Variants in EPN2 observed in about 807,000 individuals in gnomAD.
EPN2 encodes the protein epsin 2, also known as epsin-2.
A neutral mutation model predicts 61.7 loss-of-function variants in EPN2; 34 were observed. That is an observed-to-expected ratio of 0.55 (90% CI 0.42 to 0.73). EPN2 has a LOEUF of 0.73. Ranked by LOEUF, EPN2 falls within the 30% of genes least tolerant of loss-of-function variation. EPN2 has a pLI of 0.00. For missense variants in EPN2, 714 were observed against 839.2 expected (o/e 0.85, Z 1.84); for synonymous variants, 349 against 353.6 (o/e 0.99, Z 0.15).
At chr17:19,329,532 C>A in intron 8 of EPN2, 29 bp from the exon 9 acceptor site, 1 of 1,455,430 alleles carries the variant, frequency 6.9e-7, no homozygotes, top group South Asian at 1.1e-5. Flanking sequence ...GTGAGATGCC[C>A]CCAGTCATTG....
rs540595279 is a variant in EPN2 at position 19,254,496 on chromosome 17, G to A, written c.-294+16965G>A. ...GCAGAGGTTGCAGTGAGCTAAGATC[G>A]CACCACCGCACTCCATCTTGGGGGA... On this transcript the variant is annotated intron_variant, in intron 1 of 10. Coordinates refer to ENST00000314728, the MANE Select transcript of EPN2 (RefSeq NM_014964.5). Among the ~76,000 whole-genome samples the A allele has an allele frequency of 2.0e-5, 3 of 152,100 alleles. No individual in the cohort carries two copies. The East Asian group carries it at 5.8e-4, about 29-fold the overall frequency.
At chr17:19,284,005 G>T (rs1398198263) in intron 3 of EPN2, among the ~76,000 whole-genome samples, 1 of 152,206 alleles carries the variant, frequency 6.6e-6, no homozygotes, top group Non-Finnish European at 1.5e-5. Context: ...GGTCTTTTCT[G>T]CTTCCTTGTC....
chr17:19,325,803 A>G (rs1308187903), intron 7 of EPN2, among the ~76,000 whole-genome samples: 6 of 145,638 alleles, frequency 4.1e-5, no homozygotes, highest in Non-Finnish European at 9.0e-5. Context: ...TTTGCAGGTG[A>G]TGGGATTGTA....
At position 19,276,343 on chromosome 17, in the gene EPN2, A is replaced by G. The variant is rs1259646167; in HGVS notation, c.-293-5612A>G. The G allele has an allele frequency of 2.8e-5, 4 of 142,152 alleles. No individual in the cohort carries two copies. In the East Asian group the frequency reaches 8.1e-4, roughly 29 times the overall value. 8.8% of individuals were successfully genotyped at this position (142,152 alleles called of 1,614,324 possible). A position where few individuals can be genotyped will look rare whatever the true frequency, so the allele number is the denominator to read the frequency against. On this transcript the variant is annotated intron_variant, in intron 1 of 10. Coordinates refer to ENST00000314728, the MANE Select transcript of EPN2 (RefSeq NM_014964.5). The stretch of plus-strand genomic sequence containing the variant: ...GCTGGGACTGCAGATGTGCACCACC[A>G]TGCCCAGCTAATTAAAATTTTTTTT...
chr17:19,271,432 G>A (rs567538235), intron 1 of EPN2: 2 of 152,400 alleles, frequency 1.3e-5, no homozygotes, highest in East Asian at 1.9e-4. Flanking sequence ...GCAGCATGTG[G>A]GTGGCACATA....
intron 4 of EPN2, 134 bp from the exon 5 acceptor site, chr17:19,309,751 G>T: frequency 1.5e-6 from 1 of 684,040 alleles, no homozygotes; most frequent in Non-Finnish European, 2.6e-6. Flanking sequence ...CCTTTCCTCT[G>T]CCTGCATTGT....
chr17:19,310,262 C>A (rs1349630272), intron 5 of EPN2, among the ~76,000 whole-genome samples: 4 of 152,160 alleles, frequency 2.6e-5, no homozygotes, highest in Admixed American at 2.6e-4. Flanking sequence ...AAAAATGCTT[C>A]CCAGAAACAC....
intron 1 of EPN2, among the ~76,000 whole-genome samples, chr17:19,250,797 G>C (rs1458736520): frequency 1.3e-5 from 2 of 152,102 alleles, no homozygotes; most frequent in Admixed American, 1.3e-4. Context: ...ACGCAGGGTG[G>C]CTGAGTTTGT....
At chr17:19,287,403 A>T (rs1744727450) in intron 4 of EPN2, among the ~76,000 whole-genome samples, 1 of 151,920 alleles carries the variant, frequency 6.6e-6, no homozygotes, top group Admixed American at 6.6e-5. Context: ...TGTTATATGG[A>T]TTGCATTTCA....
chr17:19,327,673 T>C (rs987568380), intron 7 of EPN2, among the ~76,000 whole-genome samples: 17 of 152,034 alleles, frequency 1.1e-4, no homozygotes, highest in Admixed American at 9.8e-4. Context: ...CCCTATCTGA[T>C]AAATAAATGA....
intron 7 of EPN2, among the ~76,000 whole-genome samples, chr17:19,321,322 C>T (rs1385277853): frequency 6.6e-6 from 1 of 152,184 alleles, no homozygotes; most frequent in Non-Finnish European, 1.5e-5. Context: ...ACAGTGGCTG[C>T]CTCTGGTGCC....
At chr17:19,245,356 G>C (rs2044933475) in intron 1 of EPN2, among the ~76,000 whole-genome samples, 1 of 151,958 alleles carries the variant, frequency 6.6e-6, no homozygotes, top group Admixed American at 6.6e-5. Flanking sequence ...TGGGTACTAA[G>C]GACTGAAAAC....
At chr17:19,305,788 C>G (rs1334080699) in intron 4 of EPN2, among the ~76,000 whole-genome samples, 1 of 152,160 alleles carries the variant, frequency 6.6e-6, no homozygotes. Context: ...AGACCCTTGT[C>G]TGCCTGAGTT....
chr17:19,331,545 G>GCCTA (rs1166315111), intron 9 of EPN2, among the ~76,000 whole-genome samples: 1 of 151,492 alleles, frequency 6.6e-6, no homozygotes, highest in African/African-American at 2.4e-5. Flanking sequence ...AATTGCCCAT[G>GCCTA]CCTAGCTTCC....
chr17:19,287,861 C>T (rs1239137806), intron 4 of EPN2, among the ~76,000 whole-genome samples: 1 of 152,192 alleles, frequency 6.6e-6, no homozygotes, highest in Non-Finnish European at 1.5e-5. Context: ...TGCCATATGT[C>T]ATCTCATCCT....
chr17:19,309,933 C>A lies in EPN2; in HGVS notation c.815C>A (p.Thr272Asn), dbSNP rs1345625633. The A allele has an allele frequency of 1.2e-5, 20 of 1,609,542 alleles. No homozygotes were observed. The highest frequency in any genetic ancestry group is 1.6e-5 in the Non-Finnish European group (19 of 1,180,024). The change falls in exon 5 of 11, where the codon ACT becomes AAT. Residue 272 changes from threonine (T) to asparagine (N), a missense_variant. By Grantham distance (65) the Thr-to-Asn change is moderately conservative. Transcript: ENST00000314728. ...SSELEQARPQ[T>N]SGEEELQLQL... ...GAGCTGGAGCAAGCCCGGCCCCAGA[C>A]TAGTGGAGAAGAGGAGCTTCAGCTG...
At chr17:19,296,209 G>A (rs1009665138) in intron 4 of EPN2, among the ~76,000 whole-genome samples, 1 of 152,014 alleles carries the variant, frequency 6.6e-6, no homozygotes, top group East Asian at 1.9e-4. Context: ...GGAGTGCAGT[G>A]GCGTGATCTC....
chr17:19,311,971 C>T, intron 5 of EPN2, 81 bp from the exon 6 acceptor site: 1 of 881,672 alleles, frequency 1.1e-6, no homozygotes, highest in Admixed American at 1.9e-5. Context: ...ATACAATGTG[C>T]ATTTCCTGTT....
chr17:19,297,856 TTA>T (rs1163389223), intron 4 of EPN2, among the ~76,000 whole-genome samples: 1 of 151,922 alleles, frequency 6.6e-6, no homozygotes, highest in East Asian at 1.9e-4. Flanking sequence ...AGATACTTAG[TTA>T]TATTTATTTA....
Sources: allele counts gnomAD v4.1 joint callset (sites outside exome capture counted in the v4.1 genomes callset), GRCh38; gene constraint gnomAD v4.1.1; transcripts MANE v1.5; gene names NCBI Gene and HGNC (gene_info 2026-07-23, HGNC 2026-07-21).